Variants in NR2E1 observed in about 807,000 individuals in gnomAD.
NR2E1 encodes the protein nuclear receptor TLX.
Under a neutral mutation model 43.6 loss-of-function variants are expected in NR2E1, and 5 were observed. That is an observed-to-expected ratio of 0.11 (90% CI 0.06 to 0.24). The LOEUF (loss-of-function observed/expected upper bound fraction) is 0.24, where lower values mean the gene tolerates loss of function less well. Ranked by LOEUF, NR2E1 falls within the 10% of genes least tolerant of loss-of-function variation. The pLI, the probability that NR2E1 is intolerant of heterozygous loss-of-function variation, is 1.00. For synonymous variants in NR2E1, 191 were observed against 195.5 expected (o/e 0.98, Z 0.19); for missense variants, 287 against 496.7 (o/e 0.58, Z 4.01).
intron 8 of NR2E1, among the ~76,000 whole-genome samples, chr6:108,182,172 G>A (rs144318015): frequency 6.6e-6 from 1 of 151,624 alleles, no homozygotes; most frequent in East Asian, 2.0e-4. Flanking sequence ...AACCTGGGAG[G>A]TGGAACTTGC....
rs371340036 is a variant in NR2E1, at chr6:108,178,258, G to A, written c.642+17G>A. On this transcript the variant is annotated intron_variant, in intron 5 of 8. Transcript: ENST00000368986. Reference sequence around the variant, plus strand: ...CAAGACCAGGTATGACCACACTGAGGCCTTGGGAGAAAGAGAGCTGGGAAA... The same window carrying A: ...CAAGACCAGGTATGACCACACTGAGACCTTGGGAGAAAGAGAGCTGGGAAA... The A allele has an allele frequency of 3.1e-6, 5 of 1,614,058 alleles. No homozygotes were observed. The highest frequency in any genetic ancestry group is 4.2e-6 in the Non-Finnish European group (5 of 1,179,932).
At chr6:108,174,772 T>C (rs1014492496) in intron 2 of NR2E1, 64 bp from the exon 3 acceptor site, 33 of 1,414,184 alleles carry the variant, frequency 2.3e-5, no homozygotes, top group Non-Finnish European at 3.2e-5. Flanking sequence ...CCCGCCCGGG[T>C]GCCGGCTCCG....
intron 2 of NR2E1, 140 bp downstream of exon 2, chr6:108,171,743 T>C: frequency 8.9e-7 from 1 of 1,119,694 alleles, no homozygotes; most frequent in Non-Finnish European, 1.3e-6. Flanking sequence ...CCCTCCTTCT[T>C]GCCTCAACTC....
At chr6:108,168,462 C>T (rs1446925545) in intron 1 of NR2E1, among the ~76,000 whole-genome samples, 2 of 152,222 alleles carry the variant, frequency 1.3e-5, no homozygotes, top group East Asian at 1.9e-4. Flanking sequence ...CGGCTGCGCC[C>T]CCGCTGTGGA....
At chr6:108,168,261 G>C in intron 1 of NR2E1, 9 of 1,264,682 alleles carry the variant, frequency 7.1e-6, no homozygotes, top group Non-Finnish European at 9.6e-6. Context: ...AGCCTCCGTT[G>C]CAAAAACTGA....
chr6:108,184,016 A>G (rs1302235695), intron 8 of NR2E1, among the ~76,000 whole-genome samples: 1 of 152,172 alleles, frequency 6.6e-6, no homozygotes, highest in Admixed American at 6.5e-5. Flanking sequence ...AACATGGTGA[A>G]ACCCGTCTCT....
chr6:108,173,294 T>A (rs1773841830), intron 2 of NR2E1, among the ~76,000 whole-genome samples: 1 of 152,244 alleles, frequency 6.6e-6, no homozygotes, highest in African/African-American at 2.4e-5. Flanking sequence ...ACTGGAAAGA[T>A]ACCATCTGAG....
chr6:108,167,402 C>T (rs1464377407), intron 1 of NR2E1, among the ~76,000 whole-genome samples: 3 of 152,200 alleles, frequency 2.0e-5, no homozygotes, highest in African/African-American at 2.4e-5. Context: ...AGCCGGAGCC[C>T]AGCAGAGGCA....
chr6:108,167,942 G>A (rs1773738333), intron 1 of NR2E1: 2 of 1,443,660 alleles, frequency 1.4e-6, no homozygotes, highest in African/African-American at 1.4e-5. Flanking sequence ...CCAAGAAGGA[G>A]GTTGTGTTTT....
intron 8 of NR2E1, among the ~76,000 whole-genome samples, chr6:108,184,622 C>T (rs1436690699): frequency 6.6e-6 from 1 of 151,970 alleles, no homozygotes; most frequent in Non-Finnish European, 1.5e-5. Context: ...GAAGATGTGT[C>T]CTGAGAGTGG....
chr6:108,167,938 A>C, intron 1 of NR2E1: 1 of 1,401,294 alleles, frequency 7.1e-7, no homozygotes, highest in Non-Finnish European at 9.6e-7. Flanking sequence ...CCCTCCAAGA[A>C]GGAGGTTGTG....
In NR2E1 at chr6:108,180,928, T is replaced by C. The variant is rs1232776053; in HGVS notation, c.861T>C (p.Cys287=). ...GGTTAGATGCTACTGAATTTGCCTG[T>C]CTAAAATGCATCGTCACTTTCAAAG... is the stretch of plus-strand genomic sequence containing the variant. ...QLRLDATEFA[C]LKCIVTFKAV... is the part of the protein sequence containing the mutation. Residue 287 remains cysteine (C), a synonymous_variant, in exon 7 of 9, where the codon TGT becomes TGC. Coordinates refer to ENST00000368986, the MANE Select transcript of NR2E1 (RefSeq NM_003269.5). The surrounding 1 kb of genome is among the most constrained non-coding windows in gnomAD (Gnocchi z 5.4). The C allele has an allele frequency of 6.2e-7, 1 of 1,614,212 alleles. No homozygotes were observed. Among genetic ancestry groups the C allele is most frequent in the Non-Finnish European group, 8.5e-7 (1 of 1,180,038 alleles).
Position 108,188,764 on chromosome 6 carries a change from A to G in NR2E1, c.*1301A>G, listed in dbSNP as rs1333535420. 6.6e-6 allele frequency: 1 copy of G among 152,182 alleles called. No individual in the cohort carries two copies. Among genetic ancestry groups the G allele is most frequent in the Non-Finnish European group, 1.5e-5 (1 of 68,042 alleles). 9.4% of individuals were successfully genotyped at this position (152,182 alleles called of 1,614,324 possible). ...CTGATTTGTGAAGTTAAAAGGTTGT[A>G]CTCATTGTATTTACAAAGAATAAAA... On this transcript the variant is annotated 3_prime_UTR_variant, in exon 9 of 9. Transcript: ENST00000368986.
At position 108,180,430 on chromosome 6, in the gene NR2E1, C is replaced by A; in HGVS notation, c.739+11C>A. The stretch of plus-strand genomic sequence containing the variant: ...TACTGGCTGTATCTGGTAAGAATTG[C>A]ACAATTTAATGACTTTGTTGTAGAA... On this transcript the variant is annotated intron_variant, in intron 6 of 8. Transcript: ENST00000368986. This position sits in a 1 kb window ranked among gnomAD's most constrained non-coding sequence, Gnocchi z 5.4. 6.5e-7 allele frequency: 1 copy of A among 1,545,260 alleles called. No homozygotes were observed. Among genetic ancestry groups the A allele is most frequent in the Non-Finnish European group, 8.9e-7 (1 of 1,117,338 alleles).
chr6:108,187,466 T>G lies in NR2E1; in HGVS notation c.*3T>G, dbSNP rs1445886848. ...TGTACAAATCCAGTGATATCTAAGC[T>G]CACAAGATACCCACTTTTCAGGATG... On this transcript the variant is annotated 3_prime_UTR_variant, in exon 9 of 9. Transcript: ENST00000368986. The G allele has an allele frequency of 6.2e-7, 1 of 1,613,926 alleles. No individual in the cohort carries two copies. Among genetic ancestry groups the G allele is most frequent in the African/African-American group, 1.3e-5 (1 of 74,928 alleles).
Position 108,187,521 on chromosome 6 carries a change from G to C in NR2E1, c.*58G>C. 6.3e-7 allele frequency: 1 copy of C among 1,578,286 alleles called. No homozygotes were observed. The highest frequency in any genetic ancestry group is 2.2e-5 in the East Asian group (1 of 44,710). ...AGTATCAGATGAACTTCAACCCATG[G>C]AGAACAAGCCTCAACTAACAAACCC... On this transcript the variant is annotated 3_prime_UTR_variant, in exon 9 of 9. Coordinates refer to ENST00000368986, the MANE Select transcript of NR2E1 (RefSeq NM_003269.5).
At position 108,180,688 on chromosome 6, in the gene NR2E1, A is replaced by G; in HGVS notation, c.740-119A>G. 5 of 969,726 alleles carry G rather than the reference A, an allele frequency of 5.2e-6. No individual in the cohort carries two copies. Among genetic ancestry groups the G allele is most frequent in the Non-Finnish European group, 8.1e-6 (5 of 619,090 alleles). 60.1% of individuals were successfully genotyped at this position (969,726 alleles called of 1,614,324 possible). A position where few individuals can be genotyped will look rare whatever the true frequency, so the allele number is the denominator to read the frequency against. On this transcript the variant is annotated intron_variant, in intron 6 of 8. Coordinates refer to ENST00000368986, the MANE Select transcript of NR2E1 (RefSeq NM_003269.5). This position sits in a 1 kb window ranked among gnomAD's most constrained non-coding sequence, Gnocchi z 5.4. Reference sequence around the variant, plus strand: ...ATACAATATAGCCGGTTTACATGGAATCAGATATCTTAGAGTGACAATTGA... The same window carrying G: ...ATACAATATAGCCGGTTTACATGGAGTCAGATATCTTAGAGTGACAATTGA...
chr6:108,170,071 C>A (rs1394007217), intron 1 of NR2E1, among the ~76,000 whole-genome samples: 2 of 151,728 alleles, frequency 1.3e-5, no homozygotes, highest in Non-Finnish European at 2.9e-5. Context: ...AAGTTTACAC[C>A]TGCGGTGCCT....
At chr6:108,176,370 C>T in intron 3 of NR2E1, 133 bp from the exon 4 acceptor site, 1 of 745,178 alleles carries the variant, frequency 1.3e-6, no homozygotes, top group Non-Finnish European at 2.3e-6. Context: ...TTCCCTCTCC[C>T]TTCTTCTTTT....
Sources: allele counts gnomAD v4.1 joint callset (sites outside exome capture counted in the v4.1 genomes callset), GRCh38; gene constraint gnomAD v4.1.1; non-coding constraint Gnocchi (gnomAD v3.1); transcripts MANE v1.5; gene names NCBI Gene and HGNC (gene_info 2026-07-23, HGNC 2026-07-21).